The following SPAG17 variants were observed in gnomAD, a reference collection of about 807,000 sequenced individuals.
SPAG17 encodes the protein sperm-associated antigen 17.
A neutral mutation model predicts 273.6 loss-of-function variants in SPAG17; 169 were observed. The ratio of observed to expected loss-of-function variants is 0.62; its 90% CI spans 0.55 to 0.70. The LOEUF (loss-of-function observed/expected upper bound fraction) is 0.70, where lower values mean the gene tolerates loss of function less well. Ranked by LOEUF, SPAG17 falls within the 30% of genes least tolerant of loss-of-function variation. SPAG17 has a pLI of 0.00. For missense variants in SPAG17, 2,557 were observed against 2,627.8 expected (o/e 0.97, Z 0.59); for synonymous variants, 825 against 873.2 (o/e 0.94, Z 0.97).
rs78447966 is a variant in SPAG17, at chr1:118,016,018, C to T, written c.4234G>A (p.Ala1412Thr). 6.2e-7 allele frequency: 1 copy of T among 1,614,032 alleles called. No individual in the cohort carries two copies. Among genetic ancestry groups the T allele is most frequent in the Non-Finnish European group, 8.5e-7 (1 of 1,179,958 alleles). Residue 1412 changes from alanine (A) to threonine (T), a missense_variant, in exon 29 of 49, where the codon GCA (alanine) becomes ACA (threonine). Coordinates refer to ENST00000336338, the MANE Select transcript of SPAG17 (RefSeq NM_206996.4). Reference protein sequence around the residue: ...RIGTKGLERIADLTPLLSFQA... With the variant: ...RIGTKGLERITDLTPLLSFQA... ...AAGGATAACAATGGGGTCAAGTCTG[C>T]TATTCTTTCTAATCCTTTGGTGCCG...
In SPAG17 at chr1:118,111,553, A is replaced by AACACACACACACACACACAC. The variant is rs61266210; in HGVS notation, c.447+3737_447+3756dup. On this transcript the variant is annotated intron_variant, in intron 4 of 48. Coordinates refer to ENST00000336338, the MANE Select transcript of SPAG17 (RefSeq NM_206996.4). ...GTCCGTATGGCTTTTCTTTTAAAAC[A>AACACACACACACACACACAC]ACACACACACACACACACACACACA... is the stretch of plus-strand genomic sequence containing the variant. Among the ~76,000 whole-genome samples, 135 of 135,922 alleles carry AACACACACACACACACACAC rather than the reference A, an allele frequency of 9.9e-4. 1 individual carries two copies. Among genetic ancestry groups the AACACACACACACACACACAC allele is most frequent in the African/African-American group, 3.3e-3 (118 of 35,328 alleles). The allele number at this position is 135,922 out of a possible 152,430, so 89.2% of individuals were successfully genotyped here.
At chr1:117,965,782 T>A (rs1653758652) in intron 47 of SPAG17, 1 of 152,222 alleles carries the variant, frequency 6.6e-6, no homozygotes, top group Non-Finnish European at 1.5e-5. Flanking sequence ...TCACTGCTGC[T>A]TAAATAATAA....
chr1:118,018,145 A>G (rs898194012), intron 28 of SPAG17, among the ~76,000 whole-genome samples: 1 of 152,182 alleles, frequency 6.6e-6, no homozygotes, highest in Non-Finnish European at 1.5e-5. Flanking sequence ...GATTCTGAGT[A>G]TTTGTTTTCT....
intron 3 of SPAG17, among the ~76,000 whole-genome samples, chr1:118,124,232 T>C (rs1439079854): frequency 6.6e-6 from 1 of 152,202 alleles, no homozygotes; most frequent in Non-Finnish European, 1.5e-5. Context: ...TAAGATCTTT[T>C]CCTTAGTCTA....
rs372019736 is a variant in SPAG17 at position 118,055,761 on chromosome 1, G to T, written c.2694C>A (p.Ser898Arg). The T allele has an allele frequency of 6.2e-7, 1 of 1,612,130 alleles. No homozygotes were observed. The highest frequency in any genetic ancestry group is 8.5e-7 in the Non-Finnish European group (1 of 1,179,422). The change falls in exon 19 of 49, where the codon AGC becomes AGA. Residue 898 changes from serine to arginine, a missense_variant. Transcript: ENST00000336338. Reference protein sequence around the residue: ...SSANAKLTSASKIFSIKESKS... With the variant: ...SSANAKLTSARKIFSIKESKS... ...TAGATTCTTTAATGGAAAAAATTTT[G>T]CTAGCAGAAGTAAGTTTGGCATTAG...
intron 27 of SPAG17, 35 bp downstream of exon 27, chr1:118,025,203 C>A: frequency 6.2e-7 from 1 of 1,604,740 alleles, no homozygotes; most frequent in Non-Finnish European, 8.5e-7. Context: ...TACTTTGGAA[C>A]AGGGAAGAAT....
chr1:118,092,251 G>A (rs1655425472), intron 8 of SPAG17, among the ~76,000 whole-genome samples: 1 of 152,146 alleles, frequency 6.6e-6, no homozygotes, highest in Non-Finnish European at 1.5e-5. Context: ...AAAGTGATGG[G>A]GTGATGGGGC....
At chr1:118,008,000 T>A in intron 31 of SPAG17, 44 bp downstream of exon 31, 1 of 1,612,268 alleles carries the variant, frequency 6.2e-7, no homozygotes, top group Non-Finnish European at 8.5e-7. Flanking sequence ...CTCAGCTGAA[T>A]AGACACTCAT....
chr1:118,076,945 C>T (rs1654149406), intron 15 of SPAG17, among the ~76,000 whole-genome samples: 1 of 152,044 alleles, frequency 6.6e-6, no homozygotes, highest in East Asian at 1.9e-4. Context: ...CACATCTAAA[C>T]CTCGCGGTTA....
Position 118,043,304 on chromosome 1 carries a change from A to G in SPAG17, c.2815-1262T>C, listed in dbSNP as rs532946602. The stretch of plus-strand genomic sequence containing the variant: ...TCCTAACATTAAGGAAGACCAATAA[A>G]TCAAAAACAGGAAATAACATTGGTG... On this transcript the variant is annotated intron_variant, in intron 20 of 48. Transcript: ENST00000336338. Among the ~76,000 whole-genome samples the G allele has an allele frequency of 3.3e-5, 5 of 152,324 alleles. No individual in the cohort carries two copies. In the South Asian group the frequency reaches 1.0e-3, roughly 32 times the overall value.
intron 28 of SPAG17, among the ~76,000 whole-genome samples, chr1:118,020,138 G>C (rs895120585): frequency 1.3e-5 from 2 of 152,132 alleles, no homozygotes; most frequent in Non-Finnish European, 2.9e-5. Flanking sequence ...CTAGAATAAA[G>C]AGTCATTGCA....
At chr1:118,030,572 C>T (rs1359095938) in intron 25 of SPAG17, among the ~76,000 whole-genome samples, 3 of 152,064 alleles carry the variant, frequency 2.0e-5, no homozygotes, top group Non-Finnish European at 2.9e-5. Context: ...GGTATTTGTC[C>T]TAATGCTCTC....
At chr1:118,097,872 A>C (rs116033644) in intron 6 of SPAG17, 21 bp from the exon 7 acceptor site, 11 of 1,506,796 alleles carry the variant, frequency 7.3e-6, no homozygotes, top group Non-Finnish European at 9.9e-6. Context: ...CAACATGTTT[A>C]TATTACCAAA....
intron 27 of SPAG17, among the ~76,000 whole-genome samples, chr1:118,025,005 A>C (rs1647567567): frequency 6.6e-6 from 1 of 152,286 alleles, no homozygotes; most frequent in South Asian, 2.1e-4. Flanking sequence ...AAAGGAAAAA[A>C]CTGTTCAGTT....
chr1:118,023,568 A>T, intron 27 of SPAG17, 105 bp from the exon 28 acceptor site: 1 of 1,129,866 alleles, frequency 8.9e-7, no homozygotes. Context: ...TGATCCACAG[A>T]AGAAATGCTG....
intron 1 of SPAG17, among the ~76,000 whole-genome samples, chr1:118,155,017 C>A (rs963898757): frequency 1.3e-5 from 2 of 152,046 alleles, no homozygotes; most frequent in Non-Finnish European, 1.5e-5. Flanking sequence ...GAAATCAAGT[C>A]GGCTGCTTAG....
intron 20 of SPAG17, among the ~76,000 whole-genome samples, chr1:118,044,653 A>G (rs191572365): frequency 1.3e-4 from 20 of 152,276 alleles, no homozygotes; most frequent in Admixed American, 9.2e-4. Flanking sequence ...GTAATCTCCA[A>G]TGTTGGAGGA....
rs1336825384 is a variant in SPAG17, at chr1:118,015,965, C to T, written c.4287G>A (p.Thr1429=). 2 of 1,613,318 alleles carry T rather than the reference C, an allele frequency of 1.2e-6. No homozygotes were observed. The highest frequency in any genetic ancestry group is 1.7e-6 in the Non-Finnish European group (2 of 1,179,498). The change falls in exon 29 of 49, where the codon ACG becomes ACA. Residue 1429 remains threonine (T), a splice_region_variant and synonymous_variant. Transcript: ENST00000336338. ...TGCAATAAACAATAGTTTGTCATAC[C>T]GTTCCATTGACAGGATCTGTGGCCT... is the stretch of plus-strand genomic sequence containing the variant. The part of the protein sequence containing the change: ...SFQATDPVNG[T]VMTTREDKVV...
Position 118,012,278 on chromosome 1 carries a change from A to G in SPAG17, c.4382T>C (p.Phe1461Ser). The change falls in exon 30 of 49, where the codon TTT (phenylalanine) becomes TCT (serine). Residue 1461 changes from phenylalanine to serine, a missense_variant. Coordinates refer to ENST00000336338, the MANE Select transcript of SPAG17 (RefSeq NM_206996.4). ...AATTTGATCTTCATAAACTTGATAA[A>G]AGGTTGTGATTCTGGTACCATCAGC... ...DHADGTRITT[F>S]YQVYEDQIIL... 6.2e-7 allele frequency: 1 copy of G among 1,613,748 alleles called. No individual in the cohort carries two copies. The highest frequency in any genetic ancestry group is 8.5e-7 in the Non-Finnish European group (1 of 1,179,780).
Sources: gnomAD v4.1 joint callset for allele counts (sites outside exome capture counted in the v4.1 genomes callset) on GRCh38, gnomAD v4.1.1 for gene constraint, MANE v1.5 for transcripts, NCBI Gene and HGNC (gene_info 2026-07-23, HGNC 2026-07-21) for gene names.